CCSER1: variants seen among roughly 807,000 people sequenced by gnomAD.
CCSER1 encodes the protein serine-rich coiled-coil domain-containing protein 1.
In CCSER1, 41 loss-of-function variants were observed where a neutral mutation model predicts 82.0. The ratio of observed to expected loss-of-function variants is 0.50; its 90% CI spans 0.39 to 0.65. The LOEUF is 0.65. CCSER1 is among the 30% of genes least tolerant of loss of function. The probability of loss-of-function intolerance (pLI) is 0.00; values close to 1 mark genes in which losing one functional copy is unlikely to be tolerated. For synonymous variants in CCSER1, 414 were observed against 383.9 expected, an observed-to-expected ratio of 1.08 and a Z score of -0.92; for missense variants, 1,119 against 1,064.2, an observed-to-expected ratio of 1.05 and a Z score of -0.72.
chr4:91,353,638 TCTCA>T (rs981669366), intron 10 of CCSER1, among the ~76,000 whole-genome samples: 5 of 152,186 alleles, frequency 3.3e-5, no homozygotes, highest in African/African-American at 1.2e-4. Flanking sequence ...TAGTGGGAGT[TCTCA>T]CTCTTATTTT....
chr4:90,203,117 T>C (rs1334949066), intron 1 of CCSER1, among the ~76,000 whole-genome samples: 1 of 152,224 alleles, frequency 6.6e-6, no homozygotes, highest in Non-Finnish European at 1.5e-5. Context: ...ATATTCACAA[T>C]GTAGACACAG....
intron 3 of CCSER1, chr4:90,325,602 C>T (rs1445584800): frequency 1.1e-5 from 5 of 441,646 alleles, no homozygotes; most frequent in African/African-American, 4.0e-5. Flanking sequence ...TCAGGGTCTG[C>T]GACAGATCTC....
intron 1 of CCSER1, among the ~76,000 whole-genome samples, chr4:90,306,177 C>T (rs975004583): frequency 4.6e-5 from 7 of 151,888 alleles, no homozygotes; most frequent in Non-Finnish European, 7.4e-5. Flanking sequence ...ATGGAAGGAC[C>T]GGGGGCTGGG....
At chr4:90,770,841 T>G (rs1751984716) in intron 7 of CCSER1, among the ~76,000 whole-genome samples, 1 of 152,176 alleles carries the variant, frequency 6.6e-6, no homozygotes, top group South Asian at 2.1e-4. Context: ...ATAGTAAAAA[T>G]TATAGGAGCC....
intron 9 of CCSER1, among the ~76,000 whole-genome samples, chr4:91,052,664 CTCTA>C (rs968762453): frequency 2.0e-5 from 3 of 152,092 alleles, no homozygotes; most frequent in South Asian, 2.1e-4. Context: ...AAACCTGTAT[CTCTA>C]TCTGTCTGTC....
At position 91,442,058 on chromosome 4, in the gene CCSER1, A is replaced by G. The variant is rs1030739236; in HGVS notation, c.2218-156514A>G. Among the ~76,000 whole-genome samples the G allele has an allele frequency of 1.8e-4, 27 of 152,306 alleles. No individual in the cohort carries two copies. In the East Asian group the frequency reaches 5.2e-3, roughly 29 times the overall value. On this transcript the variant is annotated intron_variant, in intron 10 of 10. Transcript: ENST00000509176. ...ATGACCATACTGCCCAAGGTAATTT[A>G]TAGATTCAATGCCATCCCCATCAAG...
rs559688053 is a variant in CCSER1 at position 91,552,798 on chromosome 4, A to C, written c.2218-45774A>C. 4.0e-5 allele frequency among the ~76,000 whole-genome samples: 6 copies of C among 151,434 alleles called. No individual in the cohort carries two copies. The East Asian group carries it at 1.2e-3, about 29-fold the overall frequency. ...CTTGGTGGAGGTCTTAGGATTTTCT[A>C]TATATTAGATTCTATCATCTAAAAA... On this transcript the variant is annotated intron_variant, in intron 10 of 10. Transcript: ENST00000509176.
At chr4:90,445,318 A>G (rs1293359156) in intron 4 of CCSER1, among the ~76,000 whole-genome samples, 1 of 152,110 alleles carries the variant, frequency 6.6e-6, no homozygotes, top group Non-Finnish European at 1.5e-5. Context: ...TATCGCTTCA[A>G]AGAGTGATAC....
At chr4:91,338,440 A>G (rs550816866) in intron 10 of CCSER1, among the ~76,000 whole-genome samples, 1 of 152,276 alleles carries the variant, frequency 6.6e-6, no homozygotes, top group East Asian at 1.9e-4. Flanking sequence ...GTAATTCTTG[A>G]AGAATCAAAG....
At chr4:90,895,881 A>G (rs1017737778) in intron 8 of CCSER1, among the ~76,000 whole-genome samples, 5 of 151,926 alleles carry the variant, frequency 3.3e-5, no homozygotes, top group African/African-American at 1.2e-4. Context: ...TGTTGAATTT[A>G]TAAGGGACCA....
intron 9 of CCSER1, among the ~76,000 whole-genome samples, chr4:90,946,846 T>C (rs1382422961): frequency 2.6e-5 from 4 of 152,188 alleles, no homozygotes; most frequent in African/African-American, 9.6e-5. Flanking sequence ...GTAAGCTAGA[T>C]GGCACTGGAG....
chr4:91,322,801 A>T (rs368794478), intron 10 of CCSER1, among the ~76,000 whole-genome samples: 88 of 152,286 alleles, frequency 5.8e-4, no homozygotes, highest in African/African-American at 1.8e-3. Context: ...CCAGATGAAT[A>T]AAAGAAAACC....
rs1274189615 is a variant in CCSER1 at position 91,591,105 on chromosome 4, C to T, written c.2218-7467C>T. Among the ~76,000 whole-genome samples, 5 of 152,064 alleles carry T rather than the reference C, an allele frequency of 3.3e-5. No individual in the cohort carries two copies. In the East Asian group the frequency reaches 5.8e-4, roughly 18 times the overall value. ...GTCACAACTGGGTGACAGAGAGGTACCCTGGCTTCTGTAGGTACAGGACAA... is the reference window on the plus strand; with the variant it reads ...GTCACAACTGGGTGACAGAGAGGTATCCTGGCTTCTGTAGGTACAGGACAA... On this transcript the variant is annotated intron_variant, in intron 10 of 10. Transcript: ENST00000509176.
chr4:90,955,090 C>A (rs1272879601), intron 9 of CCSER1, among the ~76,000 whole-genome samples: 1 of 152,180 alleles, frequency 6.6e-6, no homozygotes, highest in Admixed American at 6.5e-5. Flanking sequence ...TTGTTACCAT[C>A]GAACGTGTTC....
At chr4:90,453,609 G>T (rs886887110) in intron 4 of CCSER1, among the ~76,000 whole-genome samples, 1 of 152,104 alleles carries the variant, frequency 6.6e-6, no homozygotes, top group Non-Finnish European at 1.5e-5. Context: ...TCTCTACTAT[G>T]GGGAGACAAA....
intron 7 of CCSER1, chr4:90,724,760 C>A (rs1385681476): frequency 2.7e-5 from 8 of 293,322 alleles, no homozygotes; most frequent in Non-Finnish European, 4.8e-5. Context: ...TAAAGACGTG[C>A]ACATTTTAAG....
At chr4:91,336,400 A>G (rs75841872) in intron 10 of CCSER1, among the ~76,000 whole-genome samples, 2 of 152,122 alleles carry the variant, frequency 1.3e-5, no homozygotes, top group Non-Finnish European at 2.9e-5. Context: ...CTTGTCTTTA[A>G]GACTTAATTA....
At chr4:90,948,066 A>G (rs1238431711) in intron 9 of CCSER1, among the ~76,000 whole-genome samples, 1 of 152,064 alleles carries the variant, frequency 6.6e-6, no homozygotes, top group African/African-American at 2.4e-5. Context: ...GTTCATAAAC[A>G]AAGTAAACTG....
At chr4:90,599,053 G>T (rs541877849) in intron 5 of CCSER1, among the ~76,000 whole-genome samples, 239 of 152,210 alleles carry the variant, frequency 1.6e-3, no homozygotes, top group Non-Finnish European at 2.6e-3. Context: ...GCACAATGTG[G>T]GCTCCTTCTC....
Sources: allele counts gnomAD v4.1 joint callset (sites outside exome capture counted in the v4.1 genomes callset), GRCh38; gene constraint gnomAD v4.1.1; transcripts MANE v1.5; gene names NCBI Gene and HGNC (gene_info 2026-07-23, HGNC 2026-07-21).